GLYR1: variants seen among roughly 807,000 people sequenced by gnomAD.
GLYR1 encodes glyoxylate reductase 1 homolog, also known as cytokine-like nuclear factor N-PAC.
Under a neutral mutation model 72.7 loss-of-function variants are expected in GLYR1, and 21 were observed. That is an observed-to-expected ratio of 0.29 (90% CI 0.20 to 0.42). The LOEUF is 0.42. Ranked by LOEUF, GLYR1 falls within the 10% of genes least tolerant of loss-of-function variation. The pLI is 1.00. For synonymous variants in GLYR1, 392 were observed against 270.2 expected, an observed-to-expected ratio of 1.45 and a Z score of -4.42; for missense variants, 594 against 712.1, an observed-to-expected ratio of 0.83 and a Z score of 1.89.
intron 3 of GLYR1, among the ~76,000 whole-genome samples, chr16:4,842,171 G>C (rs1456039961): frequency 6.6e-6 from 1 of 151,816 alleles, no homozygotes; most frequent in Non-Finnish European, 1.5e-5. Context: ...ATGAACCCGG[G>C]AGGTGGAGCT....
chr16:4,805,202 G>C lies in GLYR1; in HGVS notation c.*34C>G, dbSNP rs372313414. ...ATGTGAGGAAGAGGGGGTCAGAGGGGGGATTGGAGGGGTGAGGGCGGGGTG... is the reference window on the plus strand; with the variant it reads ...ATGTGAGGAAGAGGGGGTCAGAGGGCGGATTGGAGGGGTGAGGGCGGGGTG... On this transcript the variant is annotated 3_prime_UTR_variant, in exon 16 of 16. Transcript: ENST00000321919. 6.3e-7 allele frequency: 1 copy of C among 1,589,850 alleles called. No homozygotes were observed. Among genetic ancestry groups the C allele is most frequent in the Non-Finnish European group, 8.6e-7 (1 of 1,158,832 alleles).
chr16:4,822,046 T>G (rs1337478229), intron 7 of GLYR1, among the ~76,000 whole-genome samples: 1 of 152,246 alleles, frequency 6.6e-6, no homozygotes, highest in Non-Finnish European at 1.5e-5. Flanking sequence ...TGCCCTAAAC[T>G]CTAAAGGTCA....
rs763584421 is a variant in GLYR1, at chr16:4,812,159, C to T, written c.1209G>A (p.Ala403=). 7.4e-6 allele frequency: 12 copies of T among 1,614,046 alleles called. No individual in the cohort carries two copies. The highest frequency in any genetic ancestry group is 2.2e-5 in the East Asian group (1 of 44,898). ...CCTCATATAAGCCCCTGTCTCCAGC[C>T]GCTAAGATCACCAACATCCCGTCAT... ...LSNDGMLVIL[A]AGDRGLYEDC... Residue 403 remains alanine, a synonymous_variant, in exon 13 of 16, where the codon GCG becomes GCA. Transcript: ENST00000321919.
intron 15 of GLYR1, among the ~76,000 whole-genome samples, chr16:4,809,494 C>T (rs537185343): frequency 5.3e-5 from 8 of 151,626 alleles, no homozygotes; most frequent in Non-Finnish European, 1.0e-4. Context: ...CGCCTGCAGT[C>T]CCAGCTACTC....
At chr16:4,825,408 G>A (rs897332363) in intron 5 of GLYR1, among the ~76,000 whole-genome samples, 3 of 152,280 alleles carry the variant, frequency 2.0e-5, no homozygotes, top group African/African-American at 4.8e-5. Context: ...TACTTGGAAC[G>A]TTCTTCTGAC....
In GLYR1 at chr16:4,804,975, A is replaced by G; in HGVS notation, c.*261T>C. ...TGTGTGTGTGTGTGTGTGTGTGAAC[A>G]CACAGCCACCTCGTCCGGGGGGCCA... is the stretch of plus-strand genomic sequence containing the variant. On this transcript the variant is annotated 3_prime_UTR_variant, in exon 16 of 16. Coordinates refer to ENST00000321919, the MANE Select transcript of GLYR1 (RefSeq NM_032569.4). 5.9e-6 allele frequency: 3 copies of G among 509,358 alleles called. No homozygotes were observed. The highest frequency in any genetic ancestry group is 3.3e-5 in the Admixed American group (1 of 30,362). The allele number at this position is 509,358 out of a possible 1,614,324, so 31.6% of individuals were successfully genotyped here. A position where few individuals can be genotyped will look rare whatever the true frequency, so the allele number is the denominator to read the frequency against.
chr16:4,836,989 T>G (rs1437285311), intron 3 of GLYR1, among the ~76,000 whole-genome samples: 1 of 152,126 alleles, frequency 6.6e-6, no homozygotes, highest in Non-Finnish European at 1.5e-5. Flanking sequence ...CAATTTACCC[T>G]GGTGACCTGA....
chr16:4,844,945 A>T, intron 3 of GLYR1, 129 bp downstream of exon 3: 1 of 674,776 alleles, frequency 1.5e-6, no homozygotes, highest in Non-Finnish European at 2.6e-6. Flanking sequence ...ATGAAGGCAG[A>T]ATGAGATGCC....
At chr16:4,841,011 C>T (rs556687173) in intron 3 of GLYR1, among the ~76,000 whole-genome samples, 11 of 152,298 alleles carry the variant, frequency 7.2e-5, no homozygotes, top group African/African-American at 2.6e-4. Flanking sequence ...CACATTAGTA[C>T]CACAGTGACT....
rs1412460580 is a variant in GLYR1, at chr16:4,827,727, C to T, written c.538-3820G>A. On this transcript the variant is annotated intron_variant, in intron 5 of 15. Transcript: ENST00000321919. ...CATCCTGGCTAACATGATGAAACCC[C>T]GTCTCTACTAAAAACACAAAAAATT... is the stretch of plus-strand genomic sequence containing the variant. Among the ~76,000 whole-genome samples, 5 of 152,008 alleles carry T rather than the reference C, an allele frequency of 3.3e-5. No homozygotes were observed. The East Asian group carries it at 5.8e-4, about 18-fold the overall frequency.
chr16:4,845,119 C>A lies in GLYR1; in HGVS notation c.110G>T (p.Arg37Leu). Residue 37 changes from arginine to leucine, a missense_variant, in exon 3 of 16, where the codon CGC becomes CTC. Arg to Leu is a moderately radical substitution (Grantham distance 102). Around this residue, in one of 5 missense-constraint regions of GLYR1, gnomAD observed 62 missense variants for 82.5 expected, o/e 0.75. Coordinates refer to ENST00000321919, the MANE Select transcript of GLYR1 (RefSeq NM_032569.4). The part of the protein sequence containing the change: ...VNPPKDLKKP[R>L]GKKCFFVKFF... Reference sequence around the variant, plus strand: ...TTTCACAAAGAAGCATTTCTTTCCGCGAGGTTTCTTCAAGTCCTTTGGTGG... The same window carrying A: ...TTTCACAAAGAAGCATTTCTTTCCGAGAGGTTTCTTCAAGTCCTTTGGTGG... 6.2e-7 allele frequency: 1 copy of A among 1,614,070 alleles called. No homozygotes were observed. The highest frequency in any genetic ancestry group is 8.5e-7 in the Non-Finnish European group (1 of 1,179,978).
chr16:4,839,746 G>C (rs1017217582), intron 3 of GLYR1: 1 of 152,186 alleles, frequency 6.6e-6, no homozygotes, highest in Non-Finnish European at 1.5e-5. Flanking sequence ...GAAAAATCAG[G>C]TTTCTAAAAG....
At chr16:4,844,929 T>C in intron 3 of GLYR1, 145 bp downstream of exon 3, 1 of 624,160 alleles carries the variant, frequency 1.6e-6, no homozygotes, top group Admixed American at 2.6e-5. Context: ...GCACCTTTAT[T>C]TAGGTATGAA....
In GLYR1 at chr16:4,847,256, C is replaced by G; in HGVS notation, c.10G>C (p.Val4Leu). 1 of 1,610,200 alleles carries G rather than the reference C, an allele frequency of 6.2e-7. No homozygotes were observed. The highest frequency in any genetic ancestry group is 8.5e-7 in the Non-Finnish European group (1 of 1,179,042). MAA[V>L]SLRLGDLVWG... ...ACCAAGTCGCCGAGCCGCAGACTCA[C>G]AGCCGCCATCTTACCACCCAACCAC... Residue 4 changes from valine (V) to leucine (L), a missense_variant, in exon 1 of 16, where the codon GTG becomes CTG. Val to Leu is a conservative substitution (Grantham distance 32). Around this residue, in one of 5 missense-constraint regions of GLYR1, gnomAD observed 62 missense variants for 82.5 expected, o/e 0.75. Transcript: ENST00000321919.
chr16:4,812,234 C>T lies in GLYR1; in HGVS notation c.1134G>A (p.Arg378=), dbSNP rs201018368. ...CGGGGGCTTCCAGAAAGCGCCCCCC[C>T]CTGGACACAATCACCTGGAAAGAAA... ...VTELAQVIVS[R]GGRFLEAPVS... The change falls in exon 13 of 16, where the codon AGG becomes AGA. Residue 378 remains arginine, a synonymous_variant. Coordinates refer to ENST00000321919, the MANE Select transcript of GLYR1 (RefSeq NM_032569.4). 220 of 1,613,232 alleles carry T rather than the reference C, an allele frequency of 1.4e-4. No homozygotes were observed. Among genetic ancestry groups the T allele is most frequent in the Admixed American group, 2.2e-4 (13 of 59,862 alleles).
At chr16:4,829,433 G>C (rs1403028761) in intron 5 of GLYR1, among the ~76,000 whole-genome samples, 2 of 151,746 alleles carry the variant, frequency 1.3e-5, no homozygotes, top group Non-Finnish European at 1.5e-5. Context: ...AGCTTCCCAA[G>C]TAGGTGGGAC....
chr16:4,814,413 CT>C (rs2083498103), intron 11 of GLYR1, 123 bp downstream of exon 11: 2 of 738,254 alleles, frequency 2.7e-6, no homozygotes, highest in Non-Finnish European at 4.9e-6. Context: ...GAGATGGCCC[CT>C]GATGGGAAAT....
At chr16:4,834,743 GGT>G (rs2085025333) in intron 3 of GLYR1, among the ~76,000 whole-genome samples, 1 of 152,190 alleles carries the variant, frequency 6.6e-6, no homozygotes, top group African/African-American at 2.4e-5. Context: ...TGGGATTACA[GGT>G]GTGAGCCAGC....
chr16:4,829,708 T>C (rs1596367382), intron 5 of GLYR1, among the ~76,000 whole-genome samples: 1 of 152,216 alleles, frequency 6.6e-6, no homozygotes, highest in Admixed American at 6.5e-5. Flanking sequence ...AGTCTCACTC[T>C]GTCGCCCAGG....
Sources: allele counts gnomAD v4.1 joint callset (sites outside exome capture counted in the v4.1 genomes callset), GRCh38; gene constraint gnomAD v4.1.1; regional missense constraint gnomAD v4.1.1; transcripts MANE v1.5; gene names NCBI Gene and HGNC (gene_info 2026-07-23, HGNC 2026-07-21).